The following RGS6 variants were observed in gnomAD, a reference collection of about 807,000 sequenced individuals.
RGS6 encodes regulator of G protein signaling 6.
RGS6 carries 30 observed loss-of-function variants against 78.5 expected under a neutral mutation model. The observed-to-expected ratio is 0.38, with a 90% CI of 0.29 to 0.52. The LOEUF is 0.52. Among genes scored for constraint, RGS6 ranks in the 20% least tolerant of loss-of-function variants. The pLI, the probability that RGS6 is intolerant of heterozygous loss-of-function variation, is 0.85. For missense variants in RGS6, 495 were observed against 609.7 expected (o/e 0.81, Z 1.98); for synonymous variants, 206 against 206.0 (o/e 1.00, Z 0.00).
intron 3 of RGS6, among the ~76,000 whole-genome samples, chr14:72,362,867 C>T (rs2081730202): frequency 6.6e-6 from 1 of 152,178 alleles, no homozygotes; most frequent in African/African-American, 2.4e-5. Flanking sequence ...TAACAATCTA[C>T]CACAGACAAT....
At chr14:71,950,360 G>C (rs1276120129) in intron 1 of RGS6, among the ~76,000 whole-genome samples, 1 of 152,146 alleles carries the variant, frequency 6.6e-6, no homozygotes, top group Non-Finnish European at 1.5e-5. Flanking sequence ...TGGGAGACAT[G>C]GCTAGCTATA....
At chr14:72,476,077 C>A (rs1475569499) in intron 10 of RGS6, among the ~76,000 whole-genome samples, 1 of 152,168 alleles carries the variant, frequency 6.6e-6, no homozygotes, top group Non-Finnish European at 1.5e-5. Flanking sequence ...CATTGCATGC[C>A]CTTCAGTGTT....
chr14:72,455,821 A>C (rs1204387468), intron 4 of RGS6, among the ~76,000 whole-genome samples: 1 of 152,208 alleles, frequency 6.6e-6, no homozygotes, highest in African/African-American at 2.4e-5. Context: ...GTTTAGTTAC[A>C]TTTATCTAAA....
At chr14:72,090,291 G>C (rs1449245116) in intron 2 of RGS6, among the ~76,000 whole-genome samples, 1 of 152,136 alleles carries the variant, frequency 6.6e-6, no homozygotes, top group African/African-American at 2.4e-5. Flanking sequence ...CCATGGACCA[G>C]TACCGGTCCC....
At chr14:72,194,315 G>A (rs565612494) in intron 2 of RGS6, among the ~76,000 whole-genome samples, 5 of 152,270 alleles carry the variant, frequency 3.3e-5, no homozygotes, top group South Asian at 4.1e-4. Context: ...TGGCTATACC[G>A]GTAAACAGAA....
chr14:71,951,496 A>G (rs2152995920), intron 1 of RGS6, among the ~76,000 whole-genome samples: 1 of 152,294 alleles, frequency 6.6e-6, no homozygotes, highest in East Asian at 1.9e-4. Context: ...GGTGCAGCAA[A>G]CCATCATGGC....
chr14:72,207,313 T>G (rs1303933593), intron 2 of RGS6, among the ~76,000 whole-genome samples: 3 of 152,248 alleles, frequency 2.0e-5, no homozygotes, highest in Non-Finnish European at 4.4e-5. Flanking sequence ...TATTCAGTTA[T>G]ATTTCTAATG....
intron 2 of RGS6, among the ~76,000 whole-genome samples, chr14:72,204,112 C>T (rs1447115483): frequency 2.0e-5 from 3 of 152,180 alleles, no homozygotes; most frequent in Admixed American, 1.3e-4. Flanking sequence ...GCATGAGCCA[C>T]CACACCTGGC....
At chr14:71,985,324 A>G (rs184217551) in intron 2 of RGS6, among the ~76,000 whole-genome samples, 7 of 152,078 alleles carry the variant, frequency 4.6e-5, no homozygotes, top group East Asian at 1.9e-4. Context: ...GGGTCTCACT[A>G]TGTTGGCCAG....
intron 2 of RGS6, among the ~76,000 whole-genome samples, chr14:72,046,908 A>G (rs1280597280): frequency 6.6e-6 from 1 of 152,212 alleles, no homozygotes; most frequent in Non-Finnish European, 1.5e-5. Context: ...GCCTTCCAGT[A>G]TCGACAAATA....
intron 2 of RGS6, among the ~76,000 whole-genome samples, chr14:72,314,908 C>T (rs1002455908): frequency 1.3e-5 from 2 of 152,170 alleles, no homozygotes; most frequent in African/African-American, 2.4e-5. Flanking sequence ...TGTGAAGTTT[C>T]GTAGAACTCA....
rs145597933 is a variant in RGS6, at chr14:72,262,993, A to G, written c.85-89102A>G. 3.3e-3 allele frequency among the ~76,000 whole-genome samples: 505 copies of G among 152,202 alleles called. 3 individuals are homozygous for G. Among genetic ancestry groups the G allele is most frequent in the African/African-American group, 0.011 (468 of 41,516 alleles). ...AGAATTTGCAGCTTTAAATGGAGAG[A>G]AACTGTCTCCCAAGAGTCAACTCTG... On this transcript the variant is annotated intron_variant, in intron 2 of 17. Transcript: ENST00000553525.
intron 3 of RGS6, among the ~76,000 whole-genome samples, chr14:72,367,020 C>T (rs1490017060): frequency 6.6e-6 from 1 of 152,164 alleles, no homozygotes; most frequent in African/African-American, 2.4e-5. Flanking sequence ...TCTAGTCTCA[C>T]TTATTCTTGC....
chr14:72,326,488 C>T lies in RGS6; in HGVS notation c.85-25607C>T, dbSNP rs148395794. On this transcript the variant is annotated intron_variant, in intron 2 of 17. Transcript: ENST00000553525. ...CTGTCCTTGCAATAGTGAGTGAGTGCTCACAAGATCTGGTTGTTTAAGTGT... is the reference window on the plus strand; with the variant it reads ...CTGTCCTTGCAATAGTGAGTGAGTGTTCACAAGATCTGGTTGTTTAAGTGT... Among the ~76,000 whole-genome samples the T allele has an allele frequency of 9.2e-3, 1,396 of 152,184 alleles. 9 individuals are homozygous for T. The highest frequency in any genetic ancestry group is 0.031 in the Middle Eastern group (9 of 294).
chr14:72,038,070 A>G (rs895324009), intron 2 of RGS6, among the ~76,000 whole-genome samples: 1 of 151,656 alleles, frequency 6.6e-6, no homozygotes, highest in Non-Finnish European at 1.5e-5. Context: ...CCCAGGTTCA[A>G]GCTATTCTCC....
At chr14:72,377,788 G>A (rs2085131505) in intron 3 of RGS6, among the ~76,000 whole-genome samples, 2 of 152,110 alleles carry the variant, frequency 1.3e-5, no homozygotes, top group Admixed American at 6.5e-5. Context: ...GACCAGCCTG[G>A]ACAACATAGT....
chr14:72,498,594 G>T (rs958760392), intron 13 of RGS6, among the ~76,000 whole-genome samples: 2 of 152,058 alleles, frequency 1.3e-5, no homozygotes, highest in African/African-American at 4.8e-5. Flanking sequence ...AAATCAGGGA[G>T]ATTTAAAAAG....
intron 3 of RGS6, among the ~76,000 whole-genome samples, chr14:72,391,571 T>C (rs2089996030): frequency 6.6e-6 from 1 of 152,196 alleles, no homozygotes; most frequent in African/African-American, 2.4e-5. Context: ...TTCCTCCATC[T>C]CCTTTATCCA....
intron 2 of RGS6, among the ~76,000 whole-genome samples, chr14:72,100,281 G>A (rs1489360027): frequency 6.6e-6 from 1 of 152,168 alleles, no homozygotes; most frequent in Non-Finnish European, 1.5e-5. Flanking sequence ...TAGGTGGCCA[G>A]ATCACTTGAG....
Sources: gnomAD v4.1 joint callset for allele counts (sites outside exome capture counted in the v4.1 genomes callset) on GRCh38, gnomAD v4.1.1 for gene constraint, MANE v1.5 for transcripts, NCBI Gene and HGNC (gene_info 2026-07-23, HGNC 2026-07-21) for gene names.